BACH2: variants seen among roughly 807,000 people sequenced by gnomAD.
BACH2 encodes BACH transcriptional regulator 2.
Under a neutral mutation model 61.8 loss-of-function variants are expected in BACH2, and 5 were observed. That is an observed-to-expected ratio of 0.08 (90% CI 0.04 to 0.17). The LOEUF is 0.17. Among genes scored for constraint, BACH2 ranks in the 10% least tolerant of loss-of-function variants. The pLI, the probability that BACH2 is intolerant of heterozygous loss-of-function variation, is 1.00. For synonymous variants in BACH2, 446 were observed against 440.1 expected (o/e 1.01, Z -0.17); for missense variants, 824 against 1,091.1 (o/e 0.76, Z 3.45).
At chr6:90,165,835 T>A (rs1443832397) in intron 4 of BACH2, among the ~76,000 whole-genome samples, 2 of 152,138 alleles carry the variant, frequency 1.3e-5, no homozygotes, top group East Asian at 3.8e-4. Context: ...TAAATGGTGC[T>A]GGGAAAACTG....
chr6:90,151,695 T>G (rs1421352031), intron 4 of BACH2, among the ~76,000 whole-genome samples: 1 of 152,260 alleles, frequency 6.6e-6, no homozygotes, highest in Admixed American at 6.5e-5. Context: ...TCTGGTTGAC[T>G]ACCACATCTT....
At chr6:90,116,874 TC>T in intron 4 of BACH2, 1 of 630,978 alleles carries the variant, frequency 1.6e-6, no homozygotes. Context: ...GATAGATGCC[TC>T]CAGGACCAAG....
At chr6:90,128,309 G>T (rs992020653) in intron 4 of BACH2, among the ~76,000 whole-genome samples, 1 of 152,018 alleles carries the variant, frequency 6.6e-6, no homozygotes, top group African/African-American at 2.4e-5. Context: ...TAGGCCAGGC[G>T]CCGTGGCTCA....
chr6:89,998,080 C>T (rs1386998305), intron 6 of BACH2, among the ~76,000 whole-genome samples: 1 of 152,174 alleles, frequency 6.6e-6, no homozygotes, highest in Non-Finnish European at 1.5e-5. Context: ...ATTTCTTCAA[C>T]AAGCTGGAGG....
chr6:89,938,148 T>C lies in BACH2; in HGVS notation c.2039A>G (p.Lys680Arg), dbSNP rs1331400038. ...ACAATGGATGGGTCAACTCACCAAT[T>C]TGCGGATTTCACATTCTAAATTCTG... is the stretch of plus-strand genomic sequence containing the variant. The part of the protein sequence containing the change: ...CIQNLECEIR[K>R]LVCEKEKLLS... The change falls in exon 8 of 9, where the codon AAA becomes AGA. Residue 680 changes from lysine (K) to arginine (R), a missense_variant. Physicochemically the swap from Lys to Arg is conservative, Grantham distance 26 (BLOSUM62 2). Around this residue, in one of 8 missense-constraint regions of BACH2, gnomAD observed 160 missense variants for 283.5 expected, o/e 0.56. Coordinates refer to ENST00000257749, the MANE Select transcript of BACH2 (RefSeq NM_021813.4). 2 of 1,612,202 alleles carry C rather than the reference T, an allele frequency of 1.2e-6. No individual in the cohort carries two copies. The highest frequency in any genetic ancestry group is 1.3e-5 in the African/African-American group (1 of 74,936).
chr6:89,933,104 A>T (rs916821780), intron 8 of BACH2, among the ~76,000 whole-genome samples: 1 of 152,178 alleles, frequency 6.6e-6, no homozygotes, highest in Non-Finnish European at 1.5e-5. Context: ...CACCTTCCCC[A>T]GGACATCTCT....
intron 5 of BACH2, among the ~76,000 whole-genome samples, chr6:90,028,135 C>T (rs1778732482): frequency 6.6e-6 from 1 of 152,182 alleles, no homozygotes; most frequent in African/African-American, 2.4e-5. Flanking sequence ...CCCTTGATGA[C>T]TGTGAAGGTC....
chr6:90,185,929 G>C lies in BACH2; in HGVS notation c.-162+20640C>G, dbSNP rs137997563. 4.1e-4 allele frequency among the ~76,000 whole-genome samples: 63 copies of C among 152,300 alleles called. 1 individual carries two copies. The highest frequency in any genetic ancestry group is 1.5e-3 in the African/African-American group (61 of 41,570). On this transcript the variant is annotated intron_variant, in intron 4 of 8. Transcript: ENST00000257749. ...CTTTTTCACTCTGGCAGCCAGTTTAGTGTTACTGATGCTTGGACAGTGACA... is the reference window on the plus strand; with the variant it reads ...CTTTTTCACTCTGGCAGCCAGTTTACTGTTACTGATGCTTGGACAGTGACA...
rs961298648 is a variant in BACH2, at chr6:89,939,778, C to T, written c.1837-1428G>A. On this transcript the variant is annotated intron_variant, in intron 7 of 8. Coordinates refer to ENST00000257749, the MANE Select transcript of BACH2 (RefSeq NM_021813.4). ...CTCCTGGGCTCAAGCAATCCTCTTG[C>T]CTTGGCCTCCCAAGTAGCTGGGACA... is the stretch of plus-strand genomic sequence containing the variant. Among the ~76,000 whole-genome samples, 37 of 145,758 alleles carry T rather than the reference C, an allele frequency of 2.5e-4. 1 individual carries two copies. Among genetic ancestry groups the T allele is most frequent in the African/African-American group, 7.6e-5 (3 of 39,310 alleles).
At chr6:90,051,742 C>A (rs375593348) in intron 5 of BACH2, among the ~76,000 whole-genome samples, 6 of 151,868 alleles carry the variant, frequency 4.0e-5, no homozygotes, top group African/African-American at 1.5e-4. Flanking sequence ...TTAATTTTCA[C>A]TTTTTCCTTT....
intron 5 of BACH2, among the ~76,000 whole-genome samples, chr6:90,010,367 A>T (rs1020868746): frequency 3.9e-5 from 6 of 152,194 alleles, no homozygotes; most frequent in African/African-American, 1.4e-4. Context: ...ATATTCTTTT[A>T]TATCTGGCTT....
intron 4 of BACH2, among the ~76,000 whole-genome samples, chr6:90,095,835 T>C (rs1782362022): frequency 6.6e-6 from 1 of 152,128 alleles, no homozygotes; most frequent in African/African-American, 2.4e-5. Context: ...AATATCTATT[T>C]GCTAGGAACT....
At chr6:90,279,724 C>T (rs796162121) in intron 1 of BACH2, among the ~76,000 whole-genome samples, 8 of 152,260 alleles carry the variant, frequency 5.3e-5, no homozygotes, top group African/African-American at 9.6e-5. Context: ...ATTCATGAGA[C>T]GTTTTCTCCA....
chr6:90,107,388 C>A (rs1482641326), intron 4 of BACH2, among the ~76,000 whole-genome samples: 1 of 151,642 alleles, frequency 6.6e-6, no homozygotes, highest in Non-Finnish European at 1.5e-5. Flanking sequence ...AACAAAAAAA[C>A]AAAACAAAAC....
At chr6:90,060,780 T>TG (rs1452174394) in intron 5 of BACH2, among the ~76,000 whole-genome samples, 1 of 152,162 alleles carries the variant, frequency 6.6e-6, no homozygotes, top group Non-Finnish European at 1.5e-5. Context: ...TGGAATTTAG[T>TG]GGTACTACCA....
intron 4 of BACH2, among the ~76,000 whole-genome samples, chr6:90,146,168 AAT>A (rs773785648): frequency 1.3e-5 from 2 of 152,218 alleles, no homozygotes; most frequent in Non-Finnish European, 2.9e-5. Context: ...AGCTAGAATC[AAT>A]AGTCTTTCAT....
At chr6:90,018,242 C>T (rs936520293) in intron 5 of BACH2, among the ~76,000 whole-genome samples, 3 of 152,168 alleles carry the variant, frequency 2.0e-5, no homozygotes, top group Non-Finnish European at 2.9e-5. Flanking sequence ...TAAAGGGAAA[C>T]TCTCTGAAGA....
intron 6 of BACH2, among the ~76,000 whole-genome samples, chr6:89,972,218 G>A (rs781311211): frequency 6.6e-6 from 1 of 152,152 alleles, no homozygotes; most frequent in Non-Finnish European, 1.5e-5. Context: ...CCTCACTGGA[G>A]TCTGTTGCGC....
chr6:90,242,895 T>C (rs1455749226), intron 3 of BACH2, among the ~76,000 whole-genome samples: 1 of 152,048 alleles, frequency 6.6e-6, no homozygotes, highest in Non-Finnish European at 1.5e-5. Context: ...CTTTTTTTTT[T>C]TGAGGCGGAG....
Sources: allele counts gnomAD v4.1 joint callset (sites outside exome capture counted in the v4.1 genomes callset), GRCh38; gene constraint gnomAD v4.1.1; regional missense constraint gnomAD v4.1.1; transcripts MANE v1.5; gene names NCBI Gene and HGNC (gene_info 2026-07-23, HGNC 2026-07-21).